MAP2K3: variants seen among roughly 807,000 people sequenced by gnomAD.
MAP2K3 encodes the protein dual specificity mitogen-activated protein kinase kinase 3.
In MAP2K3, 30 loss-of-function variants were observed where a neutral mutation model predicts 46.4. The observed-to-expected ratio is 0.65, with a 90% CI of 0.48 to 0.88. The LOEUF (loss-of-function observed/expected upper bound fraction) is 0.88. Ranked by LOEUF, MAP2K3 falls within the 40% of genes least tolerant of loss-of-function variation. The pLI is 0.00. For missense variants in MAP2K3, 380 were observed against 464.5 expected, an observed-to-expected ratio of 0.82 and a Z score of 1.67; for synonymous variants, 189 against 176.3, an observed-to-expected ratio of 1.07 and a Z score of -0.57.
rs754962268 is a variant in MAP2K3 at position 21,295,786 on chromosome 17, T to A, written c.50-2627T>A. ...CCTTGACAGGTGGGGAAACTGAGGC[T>A]TGGTGAAGGGGGGGCCACATGATAC... On this transcript the variant is annotated intron_variant, in intron 1 of 11. Transcript: ENST00000342679. 4.3e-5 allele frequency: 56 copies of A among 1,288,958 alleles called. No individual in the cohort carries two copies. In the African/African-American group the frequency reaches 7.9e-4, roughly 18 times the overall value. 79.8% of individuals were successfully genotyped at this position (1,288,958 alleles called of 1,614,324 possible).
Position 21,292,552 on chromosome 17 carries a change from A to C in MAP2K3, c.50-5861A>C, listed in dbSNP as rs867408128. 3.3e-5 allele frequency among the ~76,000 whole-genome samples: 5 copies of C among 152,424 alleles called. No homozygotes were observed. In the South Asian group the frequency reaches 8.3e-4, roughly 25 times the overall value. ...TTGTTTTGTTTTATTTTTTGTAGAGACAGGATTTTGTCATGTTGCCCAGGC... is the reference window on the plus strand; with the variant it reads ...TTGTTTTGTTTTATTTTTTGTAGAGCCAGGATTTTGTCATGTTGCCCAGGC... On this transcript the variant is annotated intron_variant, in intron 1 of 11. Coordinates refer to ENST00000342679, the MANE Select transcript of MAP2K3 (RefSeq NM_145109.3).
chr17:21,291,699 TG>T, intron 1 of MAP2K3: 1 of 407,890 alleles, frequency 2.5e-6, no homozygotes, highest in Non-Finnish European at 4.9e-6. Context: ...CCTTTTGTGC[TG>T]GGGATTTTGT....
rs373203246 is a variant in MAP2K3, at chr17:21,300,984, A to G, written c.390A>G (p.Leu130=). ...CFYTVTFYGA[L]FREGDVWICM... ...ACACTGTCACCTTCTACGGGGCACTATTCAGAGAGGTGCGTCCTTGCATGA... is the reference window on the plus strand; with the variant it reads ...ACACTGTCACCTTCTACGGGGCACTGTTCAGAGAGGTGCGTCCTTGCATGA... The change falls in exon 5 of 12, where the codon CTA becomes CTG. Residue 130 remains leucine, a synonymous_variant. Transcript: ENST00000342679. The G allele has an allele frequency of 5.0e-6, 8 of 1,614,050 alleles. No homozygotes were observed. The African/African-American group carries it at 8.0e-5, about 16-fold the overall frequency.
chr17:21,302,749 G>A (rs1976677165), intron 6 of MAP2K3, among the ~76,000 whole-genome samples: 1 of 152,310 alleles, frequency 6.6e-6, no homozygotes, highest in Non-Finnish European at 1.5e-5. Context: ...CAGTGAGACT[G>A]GTTCAATCCT....
intron 9 of MAP2K3, among the ~76,000 whole-genome samples, chr17:21,309,199 CT>C (rs1170225315): frequency 2.0e-5 from 3 of 152,308 alleles, no homozygotes; most frequent in Non-Finnish European, 4.4e-5. Context: ...AGTTGGAGTT[CT>C]TTCATGATGG....
At chr17:21,298,745 G>A in intron 2 of MAP2K3, 133 bp from the exon 3 acceptor site, 1 of 1,337,494 alleles carries the variant, frequency 7.5e-7, no homozygotes, top group Non-Finnish European at 1.1e-6. Context: ...GTGAGAGGAG[G>A]TGGCCGGAGA....
chr17:21,296,218 G>T (rs1348246458), intron 1 of MAP2K3: 2 of 1,284,160 alleles, frequency 1.6e-6, no homozygotes, highest in Non-Finnish European at 1.0e-6. Context: ...CAGGTGGGTG[G>T]CATTTCTGCC....
At chr17:21,301,708 G>A (rs866119572) in intron 5 of MAP2K3, among the ~76,000 whole-genome samples, 4,566 of 148,706 alleles carry the variant, frequency 0.031, no homozygotes, top group Middle Eastern at 0.051. Flanking sequence ...CTGTCAGGAG[G>A]GTCCTCAGGA....
At chr17:21,309,597 C>G (rs1225892421) in intron 9 of MAP2K3, among the ~76,000 whole-genome samples, 1 of 151,618 alleles carries the variant, frequency 6.6e-6, no homozygotes, top group Non-Finnish European at 1.5e-5. Context: ...TAGAGAAATA[C>G]AAACAATATG....
intron 5 of MAP2K3, 107 bp downstream of exon 5, chr17:21,301,100 G>T: frequency 6.4e-7 from 1 of 1,574,078 alleles, no homozygotes; most frequent in South Asian, 1.1e-5. Flanking sequence ...GGGGACACCT[G>T]GCATACTGGC....
intron 1 of MAP2K3, among the ~76,000 whole-genome samples, chr17:21,296,997 G>C (rs891484843): frequency 2.0e-5 from 3 of 152,308 alleles, no homozygotes; most frequent in Admixed American, 6.5e-5. Flanking sequence ...GGTGGCTTTG[G>C]TGGAAAGGCT....
intron 9 of MAP2K3, among the ~76,000 whole-genome samples, chr17:21,305,381 C>G (rs1444897711): frequency 1.3e-5 from 2 of 152,276 alleles, no homozygotes; most frequent in Admixed American, 1.3e-4. Context: ...CTCTGGAGTT[C>G]TTGGTGCTTG....
chr17:21,298,316 T>C (rs1188485146), intron 1 of MAP2K3, 97 bp from the exon 2 acceptor site: 2 of 1,551,762 alleles, frequency 1.3e-6, no homozygotes, highest in East Asian at 2.2e-5. Context: ...TGGCAGAGGC[T>C]GGCACCCTTG....
At position 21,295,252 on chromosome 17, in the gene MAP2K3, C is replaced by T. The variant is rs1011865010; in HGVS notation, c.50-3161C>T. Among the ~76,000 whole-genome samples, 8 of 152,420 alleles carry T rather than the reference C, an allele frequency of 5.2e-5. No individual in the cohort carries two copies. In the East Asian group the frequency reaches 5.8e-4, roughly 11 times the overall value. ...GGGAGGAGATAGGGCAGAGCTGCCACGGCCAGTGAGAGTTGTGTTCTAGTC... is the reference window on the plus strand; with the variant it reads ...GGGAGGAGATAGGGCAGAGCTGCCATGGCCAGTGAGAGTTGTGTTCTAGTC... On this transcript the variant is annotated intron_variant, in intron 1 of 11. Coordinates refer to ENST00000342679, the MANE Select transcript of MAP2K3 (RefSeq NM_145109.3).
At chr17:21,296,120 G>T in intron 1 of MAP2K3, 1 of 1,289,598 alleles carries the variant, frequency 7.8e-7, no homozygotes, top group Non-Finnish European at 1.0e-6. Flanking sequence ...CCATTTATGG[G>T]CCACAACAGG....
In MAP2K3 at chr17:21,314,604, C is replaced by G; in HGVS notation, c.*374C>G. The G allele has an allele frequency of 4.1e-6, 1 of 242,494 alleles. No individual in the cohort carries two copies. Among genetic ancestry groups the G allele is most frequent in the South Asian group, 6.7e-5 (1 of 14,974 alleles). The allele number at this position is 242,494 out of a possible 1,614,324, so 15.0% of individuals were successfully genotyped here. ...CCGCCTTGCCCAGCCTGGATGCCAT[C>G]CAAGTTGTATATTTTTTTAATCTCT... is the stretch of plus-strand genomic sequence containing the variant. On this transcript the variant is annotated 3_prime_UTR_variant, in exon 12 of 12. Transcript: ENST00000342679.
Position 21,300,666 on chromosome 17 carries a change from G to T in MAP2K3, c.279+8G>T. On this transcript the variant is annotated splice_region_variant and intron_variant, in intron 4 of 11. Transcript: ENST00000342679. ...ACCATCATGGCCGTGAAGGTGAGCA[G>T]GGCCTGGAGGCAGCTGGGAGGGCTC... is the stretch of plus-strand genomic sequence containing the variant. 6.2e-7 allele frequency: 1 copy of T among 1,605,974 alleles called. No individual in the cohort carries two copies. Among genetic ancestry groups the T allele is most frequent in the Non-Finnish European group, 8.5e-7 (1 of 1,176,210 alleles).
At chr17:21,307,435 T>A (rs1486024425) in intron 9 of MAP2K3, among the ~76,000 whole-genome samples, 5 of 152,270 alleles carry the variant, frequency 3.3e-5, no homozygotes, top group African/African-American at 1.2e-4. Context: ...CGGAGGCCTC[T>A]GCAAGGAGGG....
At chr17:21,304,719 C>T (rs1201869788) in intron 8 of MAP2K3, among the ~76,000 whole-genome samples, 166 bp downstream of exon 8, 2 of 152,310 alleles carry the variant, frequency 1.3e-5, no homozygotes, top group Non-Finnish European at 2.9e-5. Context: ...AGGGGCAGCC[C>T]TTCTGTACCC....
Sources: gnomAD v4.1 joint callset for allele counts (sites outside exome capture counted in the v4.1 genomes callset) on GRCh38, gnomAD v4.1.1 for gene constraint, MANE v1.5 for transcripts, NCBI Gene and HGNC (gene_info 2026-07-23, HGNC 2026-07-21) for gene names.